The following SLC24A2 variants were observed in gnomAD, a reference collection of about 807,000 sequenced individuals.
SLC24A2 encodes sodium/potassium/calcium exchanger 2.
In SLC24A2, 36 loss-of-function variants were observed where a neutral mutation model predicts 62.0. The observed-to-expected ratio is 0.58, with a 90% CI of 0.44 to 0.77. The LOEUF (loss-of-function observed/expected upper bound fraction) is 0.77, where lower values mean the gene tolerates loss of function less well. Among genes scored for constraint, SLC24A2 ranks in the 30% least tolerant of loss-of-function variants. The probability of loss-of-function intolerance (pLI) is 0.00; values close to 1 mark genes in which losing one functional copy is unlikely to be tolerated. For missense variants in SLC24A2, 846 were observed against 817.9 expected (o/e 1.03, Z -0.42); for synonymous variants, 358 against 294.0 (o/e 1.22, Z -2.23).
the SLC24A2 span, among the ~76,000 whole-genome samples, chr9:20,026,042 C>A: frequency 6.6e-6 from 1 of 152,176 alleles, no homozygotes; most frequent in Admixed American, 6.5e-5. Context: ...AAATCCTAAT[C>A]TGCTACTTCC....
chr9:20,279,249 G>A, the SLC24A2 span, among the ~76,000 whole-genome samples: 109 of 152,298 alleles, frequency 7.2e-4, 1 homozygote, highest in African/African-American at 2.4e-3. Context: ...ATTTAAAACC[G>A]GCCAGACATG....
chr9:19,857,302 C>A, the SLC24A2 span, among the ~76,000 whole-genome samples: 2 of 152,198 alleles, frequency 1.3e-5, no homozygotes, highest in Non-Finnish European at 2.9e-5. Flanking sequence ...TCTAAGGACC[C>A]TGTGGTTACA....
chr9:19,521,019 C>A lies in SLC24A2; in HGVS notation c.1611G>T (p.Leu537=). The A allele has an allele frequency of 6.2e-7, 1 of 1,614,112 alleles. No homozygotes were observed. Among genetic ancestry groups the A allele is most frequent in the South Asian group, 1.1e-5 (1 of 91,070 alleles). Residue 537 remains leucine (L), a synonymous_variant, in exon 10 of 11, where the codon CTG becomes CTT. Transcript: ENST00000341998. The part of the protein sequence containing the change: ...TIGISEEIMG[L]TILAAGTSIP... ...TGGAGGTCCCAGCAGCCAAGATGGTCAGGCCCATAATCTCTTCACTGATGC... is the reference window on the plus strand; with the variant it reads ...TGGAGGTCCCAGCAGCCAAGATGGTAAGGCCCATAATCTCTTCACTGATGC...
At chr9:19,732,259 C>T (rs765121225) in intron 2 of SLC24A2, among the ~76,000 whole-genome samples, 3 of 152,122 alleles carry the variant, frequency 2.0e-5, no homozygotes, top group Non-Finnish European at 2.9e-5. Flanking sequence ...GTTTAGCCCC[C>T]CTGGCTGGCA....
chr9:19,563,524 C>T (rs931293922), intron 7 of SLC24A2, among the ~76,000 whole-genome samples: 6 of 152,138 alleles, frequency 3.9e-5, no homozygotes, highest in South Asian at 2.1e-4. Context: ...ATTCAGGTAC[C>T]GTATGCTTGG....
chr9:20,243,169 C>T, the SLC24A2 span, among the ~76,000 whole-genome samples: 7 of 152,234 alleles, frequency 4.6e-5, no homozygotes, highest in East Asian at 9.6e-4. Flanking sequence ...TTGCTAAGCT[C>T]GCACTTATAT....
the SLC24A2 span, among the ~76,000 whole-genome samples, chr9:19,884,936 G>A: frequency 6.6e-6 from 1 of 152,082 alleles, no homozygotes; most frequent in Non-Finnish European, 1.5e-5. Flanking sequence ...TGGATTTATT[G>A]GGATAAAACC....
the SLC24A2 span, among the ~76,000 whole-genome samples, chr9:19,959,346 T>C: frequency 5.9e-5 from 9 of 152,202 alleles, no homozygotes; most frequent in Non-Finnish European, 1.2e-4. Context: ...TGGACATGGC[T>C]TTAAAAAATG....
chr9:19,841,599 G>C, the SLC24A2 span, among the ~76,000 whole-genome samples: 1 of 152,168 alleles, frequency 6.6e-6, no homozygotes, highest in South Asian at 2.1e-4. Flanking sequence ...CCTGTTCTTT[G>C]AAATTGGATC....
the SLC24A2 span, among the ~76,000 whole-genome samples, chr9:20,202,098 C>T: frequency 7.1e-6 from 1 of 140,700 alleles, no homozygotes; most frequent in Non-Finnish European, 1.5e-5. Context: ...TGTGTGTTCA[C>T]ACTCTAAACC....
In SLC24A2 at chr9:19,527,054, T is replaced by G. The variant is rs533540704; in HGVS notation, c.1569+995A>C. Among the ~76,000 whole-genome samples, 11 of 152,308 alleles carry G rather than the reference T, an allele frequency of 7.2e-5. No individual in the cohort carries two copies. In the South Asian group the frequency reaches 2.3e-3, roughly 32 times the overall value. On this transcript the variant is annotated intron_variant, in intron 9 of 10. Coordinates refer to ENST00000341998, the MANE Select transcript of SLC24A2 (RefSeq NM_020344.4). ...AGGTAAGGATCTAAGTTTATTTATT[T>G]TGGCATATGGAAATCCAATTATTCC...
chr9:20,008,893 A>C, the SLC24A2 span, among the ~76,000 whole-genome samples: 1 of 151,906 alleles, frequency 6.6e-6, no homozygotes, highest in African/African-American at 2.4e-5. Context: ...CTCCGGCTTC[A>C]CTCTCCCCCA....
chr9:19,853,644 C>T, the SLC24A2 span, among the ~76,000 whole-genome samples: 3 of 152,148 alleles, frequency 2.0e-5, no homozygotes, highest in Non-Finnish European at 4.4e-5. Context: ...AGCCTTGCAT[C>T]CCAGGAATGA....
the SLC24A2 span, among the ~76,000 whole-genome samples, chr9:19,833,913 T>A: frequency 1.3e-5 from 2 of 152,294 alleles, no homozygotes; most frequent in Non-Finnish European, 2.9e-5. Flanking sequence ...GCATTTGCGG[T>A]TCACCAATAT....
the SLC24A2 span, among the ~76,000 whole-genome samples, chr9:19,879,909 C>A: frequency 6.6e-6 from 1 of 151,996 alleles, no homozygotes; most frequent in Non-Finnish European, 1.5e-5. Context: ...TATAAAAATG[C>A]CCTTTCTACA....
intron 7 of SLC24A2, among the ~76,000 whole-genome samples, chr9:19,553,386 T>C (rs1353181445): frequency 3.9e-5 from 6 of 152,112 alleles, no homozygotes; most frequent in Admixed American, 6.5e-5. Flanking sequence ...AGAGTGTCCA[T>C]AGAAAACAAA....
At chr9:19,585,147 A>C (rs375744527) in intron 5 of SLC24A2, among the ~76,000 whole-genome samples, 1 of 152,118 alleles carries the variant, frequency 6.6e-6, no homozygotes, top group Non-Finnish European at 1.5e-5. Flanking sequence ...TGCTTAGCAT[A>C]AAAAAAGACT....
chr9:19,519,007 A>G (rs1197305215), intron 10 of SLC24A2, among the ~76,000 whole-genome samples: 2 of 152,320 alleles, frequency 1.3e-5, no homozygotes, highest in African/African-American at 2.4e-5. Flanking sequence ...GTTTTTCTGC[A>G]TAAAGATGTT....
intron 2 of SLC24A2, among the ~76,000 whole-genome samples, chr9:19,734,548 C>G (rs908863320): frequency 6.7e-6 from 1 of 149,032 alleles, no homozygotes; most frequent in African/African-American, 2.5e-5. Context: ...TGTTTGTACC[C>G]TCTTTTACTT....
Sources: gnomAD v4.1 joint callset for allele counts (sites outside exome capture counted in the v4.1 genomes callset) on GRCh38, gnomAD v4.1.1 for gene constraint, MANE v1.5 for transcripts, NCBI Gene and HGNC (gene_info 2026-07-23, HGNC 2026-07-21) for gene names.